The following RAD9B variants were observed in gnomAD, a reference collection of about 807,000 sequenced individuals.
RAD9B encodes RAD9 checkpoint clamp component B.
A neutral mutation model predicts 48.3 loss-of-function variants in RAD9B; 41 were observed. That is an observed-to-expected ratio of 0.85 (90% CI 0.66 to 1.10). The LOEUF is 1.10. Among genes scored for constraint, RAD9B ranks in the 50% least tolerant of loss-of-function variants. The pLI, the probability that RAD9B is intolerant of heterozygous loss-of-function variation, is 0.00. For synonymous variants in RAD9B, 160 were observed against 157.9 expected (o/e 1.01, Z -0.10); for missense variants, 444 against 485.1 (o/e 0.92, Z 0.80).
rs1336695514 is a variant in RAD9B at position 110,519,990 on chromosome 12, A to C, written c.890+74A>C. The stretch of plus-strand genomic sequence containing the variant: ...TCTTATTTTGAAATAATTCACTTGC[A>C]TTCACTTAGGAAACAATTGAGGAGT... On this transcript the variant is annotated intron_variant, in intron 9 of 10. Transcript: ENST00000409300. The C allele has an allele frequency of 4.0e-6, 6 of 1,490,322 alleles. No homozygotes were observed. In the East Asian group the frequency reaches 1.4e-4, roughly 35 times the overall value. The allele number at this position is 1,490,322 out of a possible 1,614,324, so 92.3% of individuals were successfully genotyped here. A position where few individuals can be genotyped will look rare whatever the true frequency, so the allele number is the denominator to read the frequency against.
At chr12:110,516,607 C>T (rs2063607005) in intron 6 of RAD9B, among the ~76,000 whole-genome samples, 1 of 151,576 alleles carries the variant, frequency 6.6e-6, no homozygotes, top group South Asian at 2.1e-4. Context: ...GTCAGAAGAT[C>T]GAGACCATCC....
chr12:110,512,970 AT>A (rs757552053), intron 5 of RAD9B, 92 bp downstream of exon 5: 138,526 of 531,396 alleles, frequency 0.26, 2 homozygotes, highest in South Asian at 0.35. Context: ...CAGTCGGCAC[AT>A]TTTTTTTTTT....
At chr12:110,520,849 C>T (rs1345033496) in intron 9 of RAD9B, among the ~76,000 whole-genome samples, 4 of 151,174 alleles carry the variant, frequency 2.6e-5, no homozygotes, top group Non-Finnish European at 5.9e-5. Flanking sequence ...CGGGGTTTCA[C>T]TATGTTGGTC....
At chr12:110,507,268 AT>A (rs2063304778) in intron 4 of RAD9B, among the ~76,000 whole-genome samples, 1 of 149,998 alleles carries the variant, frequency 6.7e-6, no homozygotes, top group Non-Finnish European at 1.5e-5. Flanking sequence ...ATACAGCCTA[AT>A]TTTTTTCAAA....
intron 2 of RAD9B, among the ~76,000 whole-genome samples, chr12:110,504,636 T>C (rs2063206853): frequency 6.6e-6 from 1 of 152,066 alleles, no homozygotes; most frequent in Non-Finnish European, 1.5e-5. Context: ...AGACCGCCAA[T>C]ATGCTGTAAC....
intron 4 of RAD9B, chr12:110,511,688 G>A (rs965704623): frequency 3.9e-5 from 8 of 206,230 alleles, no homozygotes; most frequent in African/African-American, 1.2e-4. Context: ...AGTTAGCAGC[G>A]GTGTATTCTG....
intron 2 of RAD9B, 26 bp downstream of exon 2, chr12:110,503,902 G>T (rs1349872703): frequency 1.4e-6 from 2 of 1,416,752 alleles, no homozygotes; most frequent in Non-Finnish European, 9.6e-7. Context: ...AACAGATCAC[G>T]TATCAAGGCA....
rs891737052 is a variant in RAD9B at position 110,519,655 on chromosome 12, C to G, written c.768-139C>G. On this transcript the variant is annotated intron_variant, in intron 8 of 10. Coordinates refer to ENST00000409300, the MANE Select transcript of RAD9B (RefSeq NM_001286535.2). Reference sequence around the variant, plus strand: ...TTCTTCATGTTGGTCAGGCTGGTCTCAAACTCGCAACCTCAGATGATCCAC... The same window carrying G: ...TTCTTCATGTTGGTCAGGCTGGTCTGAAACTCGCAACCTCAGATGATCCAC... 33 of 863,316 alleles carry G rather than the reference C, an allele frequency of 3.8e-5. No individual in the cohort carries two copies. In the East Asian group the frequency reaches 9.5e-4, roughly 25 times the overall value. The allele number at this position is 863,316 out of a possible 1,614,324, so 53.5% of individuals were successfully genotyped here.
In RAD9B at chr12:110,531,778, A is replaced by C. The variant is rs190414375; in HGVS notation, c.*1125A>C. ...AATCTGGCACAAAACATTGTTATGT[A>C]ATGTCTTATGATGTGTGCCTCTCCC... On this transcript the variant is annotated 3_prime_UTR_variant, in exon 11 of 11. Coordinates refer to ENST00000409300, the MANE Select transcript of RAD9B (RefSeq NM_001286535.2). 2 of 705,520 alleles carry C rather than the reference A, an allele frequency of 2.8e-6. No homozygotes were observed. The highest frequency in any genetic ancestry group is 2.8e-5 in the East Asian group (1 of 36,010). The allele number at this position is 705,520 out of a possible 1,614,324, so 43.7% of individuals were successfully genotyped here.
intron 4 of RAD9B, among the ~76,000 whole-genome samples, chr12:110,507,636 G>A (rs905152069): frequency 6.9e-6 from 1 of 145,734 alleles, no homozygotes; most frequent in Admixed American, 7.0e-5. Context: ...TATACATAAT[G>A]TATAACATAT....
intron 10 of RAD9B, among the ~76,000 whole-genome samples, chr12:110,526,888 G>A (rs1305227365): frequency 6.9e-6 from 1 of 145,142 alleles, no homozygotes; most frequent in Non-Finnish European, 1.5e-5. Context: ...CAGCCTAGGC[G>A]ACAGAACGAG....
At chr12:110,516,201 C>G (rs2063595687) in intron 6 of RAD9B, among the ~76,000 whole-genome samples, 2 of 151,306 alleles carry the variant, frequency 1.3e-5, no homozygotes, top group South Asian at 4.2e-4. Flanking sequence ...CACTCCAGCC[C>G]AGGCAAGACA....
intron 10 of RAD9B, among the ~76,000 whole-genome samples, chr12:110,524,624 C>A (rs750282367): frequency 6.8e-6 from 1 of 146,904 alleles, no homozygotes; most frequent in Non-Finnish European, 1.5e-5. Context: ...TTAGATTGGC[C>A]GGCGTGGTGG....
chr12:110,527,611 G>A (rs898829041), intron 10 of RAD9B, among the ~76,000 whole-genome samples: 1 of 152,190 alleles, frequency 6.6e-6, no homozygotes, highest in Non-Finnish European at 1.5e-5. Flanking sequence ...CTGTGTCCTA[G>A]ACAGCCATGC....
chr12:110,525,516 T>C (rs1355326117), intron 10 of RAD9B, among the ~76,000 whole-genome samples: 1 of 152,176 alleles, frequency 6.6e-6, no homozygotes, highest in Non-Finnish European at 1.5e-5. Context: ...ACTATGTATT[T>C]TTGGTAAGAA....
At position 110,522,278 on chromosome 12, in the gene RAD9B, C is replaced by T; in HGVS notation, c.992C>T (p.Thr331Ile). ...AAPRRLYPKE[T>I]LTNISALENC... is the part of the protein sequence containing the mutation. ...CCAAGAAGGCTTTATCCTAAGGAGA[C>T]TCTCACAAACATATCTGCATTGGAA... Residue 331 changes from threonine (T) to isoleucine (I), a missense_variant, in exon 10 of 11, where the codon ACT (threonine) becomes ATT (isoleucine). Coordinates refer to ENST00000409300, the MANE Select transcript of RAD9B (RefSeq NM_001286535.2). 1 of 1,613,218 alleles carries T rather than the reference C, an allele frequency of 6.2e-7. No individual in the cohort carries two copies. Among genetic ancestry groups the T allele is most frequent in the Non-Finnish European group, 8.5e-7 (1 of 1,179,610 alleles).
At chr12:110,518,840 G>T (rs371153162) in intron 7 of RAD9B, 34 bp from the exon 8 acceptor site, 1 of 1,580,610 alleles carries the variant, frequency 6.3e-7, no homozygotes, top group Non-Finnish European at 8.6e-7. Flanking sequence ...TTTTTATAAG[G>T]ATTTTAAGTT....
chr12:110,519,724 T>A (rs2063717863), intron 8 of RAD9B, 70 bp from the exon 9 acceptor site: 1 of 1,499,084 alleles, frequency 6.7e-7, no homozygotes. Context: ...GAATTAAGTA[T>A]CATTTCTAAT....
At position 110,530,940 on chromosome 12, in the gene RAD9B, G is replaced by C; in HGVS notation, c.*287G>C. The C allele has an allele frequency of 1.8e-6, 2 of 1,107,106 alleles. No homozygotes were observed. The highest frequency in any genetic ancestry group is 2.2e-6 in the Non-Finnish European group (2 of 906,928). The allele number at this position is 1,107,106 out of a possible 1,614,324, so 68.6% of individuals were successfully genotyped here. ...TTCAATTCAATGCACGTTCACCCTA[G>C]AGCTTTTAACATCTTTGCTAGTTTT... On this transcript the variant is annotated 3_prime_UTR_variant, in exon 11 of 11. Transcript: ENST00000409300.
Sources: allele counts gnomAD v4.1 joint callset (sites outside exome capture counted in the v4.1 genomes callset), GRCh38; gene constraint gnomAD v4.1.1; transcripts MANE v1.5; gene names NCBI Gene and HGNC (gene_info 2026-07-23, HGNC 2026-07-21).